The following RBFOX1 variants were observed in gnomAD, a reference collection of about 807,000 sequenced individuals.
RBFOX1 encodes RNA binding protein fox-1 homolog 1.
RBFOX1 carries 8 observed loss-of-function variants against 57.7 expected under a neutral mutation model. The ratio of observed to expected loss-of-function variants is 0.14; its 90% CI spans 0.08 to 0.25. The LOEUF (loss-of-function observed/expected upper bound fraction) is 0.25. Ranked by LOEUF, RBFOX1 falls within the 10% of genes least tolerant of loss-of-function variation. The pLI, the probability that RBFOX1 is intolerant of heterozygous loss-of-function variation, is 1.00. For missense variants in RBFOX1, 611 were observed against 548.5 expected (o/e 1.11, Z -1.14); for synonymous variants, 326 against 222.4 (o/e 1.47, Z -4.15).
At chr16:5,587,906 G>C (rs1299750611) in intron 2 of RBFOX1, among the ~76,000 whole-genome samples, 1 of 152,116 alleles carries the variant, frequency 6.6e-6, no homozygotes, top group South Asian at 2.1e-4. Flanking sequence ...TAACGTGTGC[G>C]GGAATGCTCA....
chr16:6,826,120 C>A lies in RBFOX1; in HGVS notation c.-16+171470C>A, dbSNP rs909584415. ...AGCTGTTTATTTCATCTTGGTCATG[C>A]CGTCTCACTTCTCCCTACCCCAGTT... On this transcript the variant is annotated intron_variant, in intron 3 of 15. Coordinates refer to ENST00000550418, the MANE Select transcript of RBFOX1 (RefSeq NM_018723.4). Among the ~76,000 whole-genome samples, 4 of 152,182 alleles carry A rather than the reference C, an allele frequency of 2.6e-5. No individual in the cohort carries two copies. The South Asian group carries it at 8.3e-4, about 32-fold the overall frequency.
intron 3 of RBFOX1, among the ~76,000 whole-genome samples, chr16:6,744,828 T>G (rs1322276030): frequency 2.6e-5 from 4 of 151,900 alleles, no homozygotes; most frequent in Non-Finnish European, 5.9e-5. Context: ...AGATAGGAAA[T>G]AAAGATCAGG....
intron 3 of RBFOX1, among the ~76,000 whole-genome samples, chr16:5,672,272 G>A (rs1421373919): frequency 2.0e-5 from 3 of 152,106 alleles, no homozygotes; most frequent in African/African-American, 7.2e-5. Flanking sequence ...CCTCTCTGAT[G>A]AGTAAAATGA....
chr16:7,141,974 C>G (rs1188232270), intron 4 of RBFOX1, among the ~76,000 whole-genome samples: 1 of 150,296 alleles, frequency 6.7e-6, no homozygotes, highest in Non-Finnish European at 1.5e-5. Flanking sequence ...TTTCCTTCTC[C>G]TTCTTCTCCA....
At chr16:7,183,639 C>T (rs1263492994) in intron 4 of RBFOX1, among the ~76,000 whole-genome samples, 1 of 152,136 alleles carries the variant, frequency 6.6e-6, no homozygotes, top group Non-Finnish European at 1.5e-5. Context: ...GGTCCCGAAG[C>T]AGGAACATGT....
At chr16:6,941,340 TTCCTTCCTTCC>T (rs2078471462) in intron 3 of RBFOX1, among the ~76,000 whole-genome samples, 1 of 141,720 alleles carries the variant, frequency 7.1e-6, no homozygotes, top group Non-Finnish European at 1.5e-5. Context: ...CCTTCCTTCC[TTCCTTCCTTCC>T]TTCCTTCTCT....
intron 3 of RBFOX1, among the ~76,000 whole-genome samples, chr16:6,869,651 C>G (rs996498315): frequency 2.0e-5 from 3 of 152,152 alleles, no homozygotes; most frequent in South Asian, 2.1e-4. Context: ...CGTGTTAGAA[C>G]TAGGATTTTT....
chr16:5,337,887 T>C lies in RBFOX1; in HGVS notation c.219+97782T>C, dbSNP rs1050632607. Reference sequence around the variant, plus strand: ...AGTAAGGCCCCATCTCTGCAAAAAATTAAAAAATTAGCTGGACATGGTGGT... The same window carrying C: ...AGTAAGGCCCCATCTCTGCAAAAAACTAAAAAATTAGCTGGACATGGTGGT... On this transcript the variant is annotated intron_variant, in intron 1 of 2. Transcript: ENST00000585867. 3.3e-5 allele frequency among the ~76,000 whole-genome samples: 5 copies of C among 151,936 alleles called. No homozygotes were observed. In the South Asian group the frequency reaches 6.2e-4, roughly 19 times the overall value.
intron 3 of RBFOX1, among the ~76,000 whole-genome samples, chr16:6,719,289 A>G (rs1381126120): frequency 6.6e-6 from 1 of 152,192 alleles, no homozygotes; most frequent in Non-Finnish European, 1.5e-5. Flanking sequence ...TCAACAGAAA[A>G]AAAGAGGAAA....
chr16:5,713,902 C>T (rs1489605543), intron 3 of RBFOX1, among the ~76,000 whole-genome samples: 6 of 152,336 alleles, frequency 3.9e-5, no homozygotes, highest in Middle Eastern at 6.8e-3. Flanking sequence ...AGATCATCTA[C>T]GTTGCAATCT....
chr16:7,193,287 C>G (rs2085873772), intron 4 of RBFOX1, among the ~76,000 whole-genome samples: 2 of 152,106 alleles, frequency 1.3e-5, no homozygotes, highest in African/African-American at 4.8e-5. Context: ...AGCCATGAGC[C>G]AAAAGCAGCA....
At chr16:6,540,135 C>G (rs1227357351) in intron 2 of RBFOX1, among the ~76,000 whole-genome samples, 1 of 152,064 alleles carries the variant, frequency 6.6e-6, no homozygotes, top group Admixed American at 6.6e-5. Flanking sequence ...AGCATAATGA[C>G]CTGATTCTGT....
intron 3 of RBFOX1, among the ~76,000 whole-genome samples, chr16:6,953,540 C>T (rs922325589): frequency 2.0e-5 from 3 of 152,020 alleles, no homozygotes; most frequent in Non-Finnish European, 2.9e-5. Flanking sequence ...GGTGTGTCAC[C>T]ACACCTGGCT....
intron 3 of RBFOX1, among the ~76,000 whole-genome samples, chr16:5,612,692 C>A (rs1236918646): frequency 6.6e-6 from 1 of 152,196 alleles, no homozygotes; most frequent in Admixed American, 6.5e-5. Flanking sequence ...TGCAAAGGCC[C>A]TGTGGCCAGA....
At chr16:7,219,279 CCAA>C (rs1374281439) in intron 4 of RBFOX1, among the ~76,000 whole-genome samples, 1 of 152,102 alleles carries the variant, frequency 6.6e-6, no homozygotes, top group African/African-American at 2.4e-5. Flanking sequence ...GCATATTGTG[CCAA>C]AGTTAAGGAC....
Position 7,542,923 on chromosome 16 carries a change from A to G in RBFOX1, c.270+24534A>G, listed in dbSNP as rs1174461962. 2.0e-5 allele frequency among the ~76,000 whole-genome samples: 3 copies of G among 152,004 alleles called. No homozygotes were observed. In the East Asian group the frequency reaches 5.8e-4, roughly 29 times the overall value. On this transcript the variant is annotated intron_variant, in intron 5 of 15. Coordinates refer to ENST00000550418, the MANE Select transcript of RBFOX1 (RefSeq NM_018723.4). ...TTGTCTTCCTAAAAACACCACCACCACCCCACACATACAAACAAGAAAGGC... is the reference window on the plus strand; with the variant it reads ...TTGTCTTCCTAAAAACACCACCACCGCCCCACACATACAAACAAGAAAGGC...
chr16:6,571,718 T>G (rs997170445), intron 2 of RBFOX1, among the ~76,000 whole-genome samples: 5 of 152,162 alleles, frequency 3.3e-5, no homozygotes, highest in African/African-American at 1.2e-4. Flanking sequence ...TCAGGAAATA[T>G]TTATTACACA....
At chr16:7,309,013 A>G (rs2096253722) in intron 4 of RBFOX1, among the ~76,000 whole-genome samples, 1 of 152,180 alleles carries the variant, frequency 6.6e-6, no homozygotes, top group African/African-American at 2.4e-5. Flanking sequence ...GGTGGTCGAT[A>G]GTGTCAGTAA....
rs546060427 is a variant in RBFOX1, at chr16:7,157,338, A to G, written c.27+105240A>G. On this transcript the variant is annotated intron_variant, in intron 4 of 15. Coordinates refer to ENST00000550418, the MANE Select transcript of RBFOX1 (RefSeq NM_018723.4). Reference sequence around the variant, plus strand: ...CAAACTATCACAGAAAACATGTGTAATATGAGATACCATTTCAATTTGGCA... The same window carrying G: ...CAAACTATCACAGAAAACATGTGTAGTATGAGATACCATTTCAATTTGGCA... Among the ~76,000 whole-genome samples the G allele has an allele frequency of 5.9e-5, 9 of 152,310 alleles. No individual in the cohort carries two copies. The East Asian group carries it at 1.4e-3, about 23-fold the overall frequency.
Sources: gnomAD v4.1 joint callset for allele counts (sites outside exome capture counted in the v4.1 genomes callset) on GRCh38, gnomAD v4.1.1 for gene constraint, MANE v1.5 for transcripts, NCBI Gene and HGNC (gene_info 2026-07-23, HGNC 2026-07-21) for gene names.